Variants in HNRNPC observed in about 807,000 individuals in gnomAD.
The protein encoded by HNRNPC is heterogeneous nuclear ribonucleoproteins C1/C2.
In HNRNPC, 3 loss-of-function variants were observed where a neutral mutation model predicts 33.2. The ratio of observed to expected loss-of-function variants is 0.09; its 90% confidence interval spans 0.04 to 0.23. HNRNPC has a LOEUF of 0.23. HNRNPC is among the 10% of genes least tolerant of loss of function. The probability of loss-of-function intolerance (pLI) is 1.00; values close to 1 mark genes in which losing one functional copy is unlikely to be tolerated. For synonymous variants in HNRNPC, 121 were observed against 126.7 expected (o/e 0.96, Z 0.30); for missense variants, 143 against 366.7 (o/e 0.39, Z 4.98).
chr14:21,226,898 G>GAAAAAAA lies in HNRNPC; in HGVS notation c.365+3420_365+3421insTTTTTTT, dbSNP rs751786293. ...CATCTCAAAAAAAAAAAAAAAAAGG[G>GAAAAAAA]GGGGGGGGGACAGTGATTTTTACTC... is the stretch of plus-strand genomic sequence containing the variant. On this transcript the variant is annotated intron_variant, in intron 5 of 8. Coordinates refer to ENST00000553300, the MANE Select transcript of HNRNPC (RefSeq NM_004500.4). 3.6e-3 allele frequency among the ~76,000 whole-genome samples: 282 copies of GAAAAAAA among 78,784 alleles called. 4 individuals carry two copies. Among genetic ancestry groups the GAAAAAAA allele is most frequent in the South Asian group, 9.1e-3 (20 of 2,196 alleles). The allele number at this position is 78,784 out of a possible 152,430, so 51.7% of individuals were successfully genotyped here.
chr14:21,236,898 A>G (rs1015166434), intron 2 of HNRNPC, among the ~76,000 whole-genome samples: 3 of 152,232 alleles, frequency 2.0e-5, no homozygotes, highest in Non-Finnish European at 4.4e-5. Context: ...TCCAAAATGC[A>G]AGGCAGTAAA....
Position 21,215,954 on chromosome 14 carries a change from A to C in HNRNPC, c.366-2837T>G, listed in dbSNP as rs1459881503. Among the ~76,000 whole-genome samples the C allele has an allele frequency of 5.3e-5, 8 of 151,394 alleles. 1 individual carries two copies. The highest frequency in any genetic ancestry group is 4.2e-4 in the South Asian group (2 of 4,804). ...GAAAAGGAAAAGAAAAAGAAAAAAA[A>C]AACAACAAAACACACCAGCTGGATG... On this transcript the variant is annotated intron_variant, in intron 5 of 8. Transcript: ENST00000553300.
At chr14:21,248,043 G>C (rs927587625) in intron 2 of HNRNPC, among the ~76,000 whole-genome samples, 6 of 151,790 alleles carry the variant, frequency 4.0e-5, no homozygotes, top group African/African-American at 1.5e-4. Context: ...TGTCCACTAT[G>C]ACCGAACCTT....
intron 3 of HNRNPC, 161 bp from the exon 4 acceptor site, chr14:21,231,233 A>G: frequency 1.4e-6 from 1 of 713,310 alleles, no homozygotes; most frequent in South Asian, 1.6e-5. Context: ...CTCCCGGTTC[A>G]AGCGATTCTC....
At chr14:21,251,643 C>T (rs1157794970) in intron 2 of HNRNPC, among the ~76,000 whole-genome samples, 1 of 152,042 alleles carries the variant, frequency 6.6e-6, no homozygotes, top group Non-Finnish European at 1.5e-5. Context: ...GACTGCGCCG[C>T]TGCACTCCAG....
intron 3 of HNRNPC, among the ~76,000 whole-genome samples, chr14:21,232,655 C>A (rs111341139): frequency 4.7e-4 from 72 of 152,328 alleles, no homozygotes; most frequent in African/African-American, 1.6e-3. Flanking sequence ...GCATGAGCCA[C>A]CGAACCTGGC....
chr14:21,259,188 T>C (rs1445261508), intron 2 of HNRNPC, among the ~76,000 whole-genome samples: 1 of 152,182 alleles, frequency 6.6e-6, no homozygotes, highest in Non-Finnish European at 1.5e-5. Flanking sequence ...TATCTGTGCT[T>C]TCACATATGG....
rs539430075 is a variant in HNRNPC at position 21,264,888 on chromosome 14, T to C, written c.-62-1552A>G. The C allele has an allele frequency of 2.0e-5, 3 of 152,226 alleles. No homozygotes were observed. The South Asian group carries it at 6.2e-4, about 32-fold the overall frequency. The allele number at this position is 152,226 out of a possible 1,614,324, so 9.4% of individuals were successfully genotyped here. A position where few individuals can be genotyped will look rare whatever the true frequency, so the allele number is the denominator to read the frequency against. On this transcript the variant is annotated intron_variant, in intron 1 of 8. Transcript: ENST00000553300. ...AACAAAAAACATTAGCAGGGTGTGGTAGCCTGAAATCCCAGCTACTTAGCA... is the reference window on the plus strand; with the variant it reads ...AACAAAAAACATTAGCAGGGTGTGGCAGCCTGAAATCCCAGCTACTTAGCA...
At chr14:21,224,918 T>C (rs1339069202) in intron 5 of HNRNPC, among the ~76,000 whole-genome samples, 11 of 152,140 alleles carry the variant, frequency 7.2e-5, no homozygotes, top group Non-Finnish European at 1.2e-4. Context: ...AAGAATTTCA[T>C]ACTCGTTACT....
rs942072707 is a variant in HNRNPC at position 21,212,951 on chromosome 14, A to C, written c.523+9T>G. Reference sequence around the variant, plus strand: ...AGATACCAAAATCACAAAATGAAATAATACATACACTTTCCAGACTTGGAA... The same window carrying C: ...AGATACCAAAATCACAAAATGAAATCATACATACACTTTCCAGACTTGGAA... On this transcript the variant is annotated intron_variant, in intron 6 of 8. Transcript: ENST00000553300. 2 of 1,613,068 alleles carry C rather than the reference A, an allele frequency of 1.2e-6. No individual in the cohort carries two copies. Among genetic ancestry groups the C allele is most frequent in the African/African-American group, 1.3e-5 (1 of 74,894 alleles).
At chr14:21,229,865 T>G (rs1371685057) in intron 5 of HNRNPC, among the ~76,000 whole-genome samples, 1 of 152,230 alleles carries the variant, frequency 6.6e-6, no homozygotes, top group Non-Finnish European at 1.5e-5. Context: ...CTCCATATAC[T>G]TACATATACT....
intron 5 of HNRNPC, among the ~76,000 whole-genome samples, chr14:21,224,263 A>T (rs1893167675): frequency 6.6e-6 from 1 of 152,184 alleles, no homozygotes; most frequent in African/African-American, 2.4e-5. Flanking sequence ...TAGGGATATT[A>T]ACTATTAATA....
intron 5 of HNRNPC, among the ~76,000 whole-genome samples, chr14:21,224,071 T>A (rs1171333420): frequency 4.6e-5 from 7 of 152,098 alleles, no homozygotes; most frequent in Non-Finnish European, 8.8e-5. Flanking sequence ...ATTTTGGCAC[T>A]CTCTCCCTTC....
In HNRNPC at chr14:21,252,897, C is replaced by T. The variant is rs371659562; in HGVS notation, c.-37+10414G>A. Among the ~76,000 whole-genome samples, 50 of 152,226 alleles carry T rather than the reference C, an allele frequency of 3.3e-4. No individual in the cohort carries two copies. In the East Asian group the frequency reaches 7.0e-3, roughly 21 times the overall value. On this transcript the variant is annotated intron_variant, in intron 2 of 8. Coordinates refer to ENST00000553300, the MANE Select transcript of HNRNPC (RefSeq NM_004500.4). ...TTCACAATTAAAAGATAGCACCAGG[C>T]GGGTGCAGTTGCTCACACCTGTAAT... is the stretch of plus-strand genomic sequence containing the variant.
At chr14:21,268,853 C>A (rs1594355529) in intron 1 of HNRNPC, among the ~76,000 whole-genome samples, 1 of 152,094 alleles carries the variant, frequency 6.6e-6, no homozygotes, top group Non-Finnish European at 1.5e-5. Context: ...GCGGCACGAT[C>A]CAGGATTTAA....
intron 2 of HNRNPC, among the ~76,000 whole-genome samples, chr14:21,260,199 CAAAAA>C (rs539169114): frequency 3.2e-5 from 3 of 94,984 alleles, no homozygotes; most frequent in African/African-American, 1.2e-4. Context: ...GACTCCATCT[CAAAAA>C]AAAAAAAAAA....
At chr14:21,229,313 G>A (rs1460665923) in intron 5 of HNRNPC, among the ~76,000 whole-genome samples, 1 of 149,184 alleles carries the variant, frequency 6.7e-6, no homozygotes, top group African/African-American at 2.5e-5. Context: ...GCAGCTTGCA[G>A]TGAGCCAAGA....
At chr14:21,223,837 ACCT>A (rs1327126241) in intron 5 of HNRNPC, among the ~76,000 whole-genome samples, 8 of 152,184 alleles carry the variant, frequency 5.3e-5, no homozygotes, top group African/African-American at 1.7e-4. Context: ...TCCTTCTGGC[ACCT>A]ATATGTATGA....
At chr14:21,212,040 G>C in intron 6 of HNRNPC, 117 bp from the exon 7 acceptor site, 1 of 760,774 alleles carries the variant, frequency 1.3e-6, no homozygotes, top group East Asian at 2.5e-5. Flanking sequence ...GAGAAACAGA[G>C]CCAGTACAGA....
Sources: allele counts gnomAD v4.1 joint callset (sites outside exome capture counted in the v4.1 genomes callset), GRCh38; gene constraint gnomAD v4.1.1; transcripts MANE v1.5; gene names NCBI Gene and HGNC (gene_info 2026-07-23, HGNC 2026-07-21).